XKR9: variants seen among roughly 807,000 people sequenced by gnomAD.
XKR9 encodes XK-related protein 9.
XKR9 carries 32 observed loss-of-function variants against 32.0 expected under a neutral mutation model. The observed-to-expected ratio is 1.00, with a 90% CI of 0.76 to 1.34. XKR9 has a LOEUF of 1.34. Ranked by LOEUF, XKR9 falls within the 40% of genes most tolerant of loss-of-function variation. The pLI is 0.00. For synonymous variants in XKR9, 168 were observed against 143.4 expected, an observed-to-expected ratio of 1.17 and a Z score of -1.22; for missense variants, 546 against 429.7, an observed-to-expected ratio of 1.27 and a Z score of -2.39.
intron 3 of XKR9, among the ~76,000 whole-genome samples, chr8:70,690,503 T>TG (rs1819476440): frequency 6.6e-6 from 1 of 151,268 alleles, no homozygotes; most frequent in Admixed American, 6.6e-5. Context: ...CCAGCTAGTT[T>TG]TTTTTTTTTT....
chr8:70,994,234 CA>C, the XKR9 span, among the ~76,000 whole-genome samples: 8 of 152,156 alleles, frequency 5.3e-5, no homozygotes, highest in Non-Finnish European at 1.2e-4. Context: ...TTCCAGTTTC[CA>C]ACCTATACAA....
At chr8:70,751,189 C>T (rs561185715) in intron 2 of XKR9, among the ~76,000 whole-genome samples, 14 of 152,196 alleles carry the variant, frequency 9.2e-5, no homozygotes, top group East Asian at 5.8e-4. Flanking sequence ...AGTGCAGTGG[C>T]GCGATTCGGC....
At chr8:71,011,401 T>C in the XKR9 span, among the ~76,000 whole-genome samples, 1 of 152,148 alleles carries the variant, frequency 6.6e-6, no homozygotes, top group Admixed American at 6.5e-5. Context: ...ATTTTATTAT[T>C]GGTACAATAA....
chr8:70,986,894 G>A, the XKR9 span, among the ~76,000 whole-genome samples: 1 of 152,208 alleles, frequency 6.6e-6, no homozygotes, highest in African/African-American at 2.4e-5. Context: ...CCACGTGGCT[G>A]TGGAAGCTTC....
At chr8:70,911,467 GTAA>G in the XKR9 span, among the ~76,000 whole-genome samples, 1 of 152,096 alleles carries the variant, frequency 6.6e-6, no homozygotes, top group Non-Finnish European at 1.5e-5. Context: ...CTTTGTGTCA[GTAA>G]TACTAGTTCT....
intron 2 of XKR9, among the ~76,000 whole-genome samples, chr8:70,761,281 TCAC>T (rs1486001098): frequency 6.6e-6 from 1 of 152,202 alleles, no homozygotes; most frequent in Non-Finnish European, 1.5e-5. Context: ...GTTTGAGGAA[TCAC>T]CACACTGTCT....
rs961350131 is a variant in XKR9 at position 70,704,153 on chromosome 8, G to T, written c.273-2780G>T. Among the ~76,000 whole-genome samples the T allele has an allele frequency of 2.6e-5, 4 of 152,168 alleles. No individual in the cohort carries two copies. The South Asian group carries it at 8.3e-4, about 32-fold the overall frequency. On this transcript the variant is annotated intron_variant, in intron 3 of 4. Transcript: ENST00000408926. ...GCAGAGATTGTGCCACTGCACTCCAGCCTGGGCGACAGAGGGAGACTCCAT... is the reference window on the plus strand; with the variant it reads ...GCAGAGATTGTGCCACTGCACTCCATCCTGGGCGACAGAGGGAGACTCCAT...
At chr8:70,854,289 A>AT in the XKR9 span, among the ~76,000 whole-genome samples, 32 of 152,102 alleles carry the variant, frequency 2.1e-4, no homozygotes, top group African/African-American at 7.5e-4. Context: ...GATGATGAGC[A>AT]TTTTTTCATG....
At chr8:70,682,803 A>G (rs1263851609) in intron 3 of XKR9, among the ~76,000 whole-genome samples, 1 of 152,202 alleles carries the variant, frequency 6.6e-6, no homozygotes, top group East Asian at 1.9e-4. Flanking sequence ...TCTATGGTGT[A>G]GTTTCAAAAT....
chr8:70,813,204 A>G, the XKR9 span, among the ~76,000 whole-genome samples: 1 of 152,226 alleles, frequency 6.6e-6, no homozygotes, highest in Non-Finnish European at 1.5e-5. Flanking sequence ...AGGATTCCCT[A>G]TTTAATAAAT....
At chr8:70,927,293 C>G in the XKR9 span, among the ~76,000 whole-genome samples, 1 of 151,930 alleles carries the variant, frequency 6.6e-6, no homozygotes, top group African/African-American at 2.4e-5. Context: ...TATCATCGAT[C>G]AATTTTCCTG....
chr8:70,945,767 T>G, the XKR9 span, among the ~76,000 whole-genome samples: 1 of 152,332 alleles, frequency 6.6e-6, no homozygotes, highest in East Asian at 1.9e-4. Context: ...TTTAGAAATC[T>G]GATTTGGTGT....
the XKR9 span, among the ~76,000 whole-genome samples, chr8:70,974,933 A>G: frequency 4.6e-5 from 7 of 152,156 alleles, no homozygotes; most frequent in Non-Finnish European, 7.4e-5. Context: ...TTGCCATTCT[A>G]ACTGGTGTGA....
At chr8:70,756,082 C>T (rs1381283948) in intron 2 of XKR9, among the ~76,000 whole-genome samples, 1 of 152,040 alleles carries the variant, frequency 6.6e-6, no homozygotes, top group African/African-American at 2.4e-5. Flanking sequence ...TATTCCTTTG[C>T]CTATGGCTAT....
At chr8:70,785,103 T>G (rs1807665210) in intron 2 of XKR9, among the ~76,000 whole-genome samples, 1 of 152,060 alleles carries the variant, frequency 6.6e-6, no homozygotes, top group South Asian at 2.1e-4. Context: ...TCTTTAAATG[T>G]TTTGTGGAAT....
the XKR9 span, among the ~76,000 whole-genome samples, chr8:70,863,840 A>G: frequency 6.6e-6 from 1 of 152,224 alleles, no homozygotes; most frequent in East Asian, 1.9e-4. Flanking sequence ...TGATGCCCTC[A>G]TACTGGTGCT....
At chr8:70,670,612 T>A (rs1380591526) in intron 1 of XKR9, 1 of 152,164 alleles carries the variant, frequency 6.6e-6, no homozygotes, top group Non-Finnish European at 1.5e-5. Context: ...TCTTACCTAT[T>A]TTATGAATCA....
chr8:70,771,139 C>A (rs957734018), intron 2 of XKR9, among the ~76,000 whole-genome samples: 9 of 152,224 alleles, frequency 5.9e-5, no homozygotes, highest in African/African-American at 1.9e-4. Flanking sequence ...TGGCATAGTC[C>A]CTCAAAGCTT....
rs775996383 is a variant in XKR9, at chr8:70,706,913, T to A, written c.273-20T>A. On this transcript the variant is annotated intron_variant, in intron 3 of 4. Coordinates refer to ENST00000408926, the MANE Select transcript of XKR9 (RefSeq NM_001011720.2). ...CAAAGAATATAAAACTAAAGAGAAA[T>A]GTTTATGTTTACTTTATAGGTATTG... is the stretch of plus-strand genomic sequence containing the variant. The A allele has an allele frequency of 3.8e-6, 6 of 1,563,622 alleles. No individual in the cohort carries two copies. The highest frequency in any genetic ancestry group is 3.4e-5 in the South Asian group (3 of 87,470).
Sources: allele counts gnomAD v4.1 joint callset (sites outside exome capture counted in the v4.1 genomes callset), GRCh38; gene constraint gnomAD v4.1.1; transcripts MANE v1.5; gene names NCBI Gene and HGNC (gene_info 2026-07-23, HGNC 2026-07-21).